BRIP1: variants seen among roughly 807,000 people sequenced by gnomAD.
BRIP1 encodes the protein BRCA1 interacting DNA helicase 1, also known as Fanconi anemia group J protein.
A neutral mutation model predicts 119.7 loss-of-function variants in BRIP1; 88 were observed. The observed-to-expected ratio is 0.74, with a 90% CI of 0.62 to 0.88. The LOEUF (loss-of-function observed/expected upper bound fraction) is 0.88. Ranked by LOEUF, BRIP1 falls within the 40% of genes least tolerant of loss-of-function variation. The pLI, the probability that BRIP1 is intolerant of heterozygous loss-of-function variation, is 0.00. For missense variants in BRIP1, 1,259 were observed against 1,455.4 expected (o/e 0.87, Z 2.20); for synonymous variants, 443 against 496.5 (o/e 0.89, Z 1.43).
intron 13 of BRIP1, among the ~76,000 whole-genome samples, chr17:61,777,699 A>G (rs2077555854): frequency 6.6e-6 from 1 of 151,866 alleles, no homozygotes; most frequent in Non-Finnish European, 1.5e-5. Flanking sequence ...TCAGAGCTTC[A>G]ATTCCCAGGC....
At chr17:61,859,576 TC>T (rs1295544068) in intron 3 of BRIP1, among the ~76,000 whole-genome samples, 8 of 152,164 alleles carry the variant, frequency 5.3e-5, no homozygotes, top group Admixed American at 1.3e-4. Flanking sequence ...TTCCGACTCA[TC>T]AAAAGACTAA....
chr17:61,707,025 TTTTAAA>T (rs1228527238), intron 17 of BRIP1, among the ~76,000 whole-genome samples: 11 of 142,244 alleles, frequency 7.7e-5, no homozygotes, highest in African/African-American at 2.8e-4. Flanking sequence ...TGATATTCCT[TTTTAAA>T]TTTTTTTTTT....
At position 61,805,746 on chromosome 17, in the gene BRIP1, T is replaced by G. The variant is rs908094790; in HGVS notation, c.918+2721A>C. On this transcript the variant is annotated intron_variant, in intron 7 of 19. Coordinates refer to ENST00000259008, the MANE Select transcript of BRIP1 (RefSeq NM_032043.3). The surrounding 1 kb of genome is among the most constrained non-coding windows in gnomAD (Gnocchi z 5.6). ...ATCATCTTTCATACTCTCAGTTTGA[T>G]ACAGACTGAGTTTAATAATAGGACA... Among the ~76,000 whole-genome samples, 2 of 152,208 alleles carry G rather than the reference T, an allele frequency of 1.3e-5. No individual in the cohort carries two copies. Among genetic ancestry groups the G allele is most frequent in the Non-Finnish European group, 1.5e-5 (1 of 68,036 alleles).
At chr17:61,712,811 G>A (rs908348261) in intron 17 of BRIP1, among the ~76,000 whole-genome samples, 1 of 151,674 alleles carries the variant, frequency 6.6e-6, no homozygotes, top group Non-Finnish European at 1.5e-5. Context: ...GGCTGAGGCA[G>A]GAGAATTGCT....
rs768910110 is a variant in BRIP1, at chr17:61,680,480, CT to C, written c.*2815del. Reference sequence around the variant, plus strand: ...AGTTTACCAATTCTAAAGGTAATTTCTTTTTTTTTTTTTTTTTGAGACGGAG... The same window carrying C: ...AGTTTACCAATTCTAAAGGTAATTTCTTTTTTTTTTTTTTTTGAGACGGAG... On this transcript the variant is annotated 3_prime_UTR_variant, in exon 20 of 20. Coordinates refer to ENST00000259008, the MANE Select transcript of BRIP1 (RefSeq NM_032043.3). Among the ~76,000 whole-genome samples, 78 of 124,066 alleles carry C rather than the reference CT, an allele frequency of 6.3e-4. No homozygotes were observed. The highest frequency in any genetic ancestry group is 8.1e-4 in the Non-Finnish European group (50 of 61,618). The allele number at this position is 124,066 out of a possible 152,430, so 81.4% of individuals were successfully genotyped here. A position where few individuals can be genotyped will look rare whatever the true frequency, so the allele number is the denominator to read the frequency against.
chr17:61,680,174 C>T lies in BRIP1; in HGVS notation c.*3122G>A, dbSNP rs2061253679. 1.5e-5 allele frequency among the ~76,000 whole-genome samples: 2 copies of T among 133,764 alleles called. No individual in the cohort carries two copies. The highest frequency in any genetic ancestry group is 6.0e-5 in the African/African-American group (2 of 33,612). 87.8% of individuals were successfully genotyped at this position (133,764 alleles called of 152,430 possible). The stretch of plus-strand genomic sequence containing the variant: ...CCTGGCCAACATGGTGAAACCCTGT[C>T]GATACTTAAAAAAAAAAAAAAAAAA... On this transcript the variant is annotated 3_prime_UTR_variant, in exon 20 of 20. Coordinates refer to ENST00000259008, the MANE Select transcript of BRIP1 (RefSeq NM_032043.3).
At chr17:61,863,127 T>A (rs1244923484) in intron 1 of BRIP1, among the ~76,000 whole-genome samples, 157 bp downstream of exon 1, 1 of 151,128 alleles carries the variant, frequency 6.6e-6, no homozygotes, top group Non-Finnish European at 1.5e-5. Flanking sequence ...TCAAAGGAGG[T>A]AAGGATAGGC....
chr17:61,802,007 A>G lies in BRIP1; in HGVS notation c.919-533T>C, dbSNP rs1003179783. ...TGGAATGTCCTAAGGGGAAAAAAAG[A>G]AAGTAAGAGTATTCACTACAAAATA... On this transcript the variant is annotated intron_variant, in intron 7 of 19. Coordinates refer to ENST00000259008, the MANE Select transcript of BRIP1 (RefSeq NM_032043.3). The surrounding 1 kb of genome is among the most constrained non-coding windows in gnomAD (Gnocchi z 6.0). 6.6e-6 allele frequency among the ~76,000 whole-genome samples: 1 copy of G among 152,230 alleles called. No homozygotes were observed. Among genetic ancestry groups the G allele is most frequent in the African/African-American group, 2.4e-5 (1 of 41,474 alleles).
rs947864811 is a variant in BRIP1 at position 61,695,470 on chromosome 17, G to A, written c.2493-1958C>T. On this transcript the variant is annotated intron_variant, in intron 17 of 19. Coordinates refer to ENST00000259008, the MANE Select transcript of BRIP1 (RefSeq NM_032043.3). This position sits in a 1 kb window ranked among gnomAD's most constrained non-coding sequence, Gnocchi z 4.3. Reference sequence around the variant, plus strand: ...TTCAAGATTGTTTTGACTATTCTGGGTTCCTTGCTTTTCCATAATAATTTT... The same window carrying A: ...TTCAAGATTGTTTTGACTATTCTGGATTCCTTGCTTTTCCATAATAATTTT... 1.3e-4 allele frequency among the ~76,000 whole-genome samples: 20 copies of A among 152,026 alleles called. No individual in the cohort carries two copies. Among genetic ancestry groups the A allele is most frequent in the African/African-American group, 3.6e-4 (15 of 41,410 alleles).
Position 61,789,145 on chromosome 17 carries a change from T to C in BRIP1, c.1473+4452A>G, listed in dbSNP as rs1274274915. ...AGCCAGGTGTGGTAATGCATGCCTG[T>C]AGTCCCAGCTACTGAGCAGGCTATG... On this transcript the variant is annotated intron_variant, in intron 10 of 19. Coordinates refer to ENST00000259008, the MANE Select transcript of BRIP1 (RefSeq NM_032043.3). This position sits in a 1 kb window ranked among gnomAD's most constrained non-coding sequence, Gnocchi z 4.8. Among the ~76,000 whole-genome samples the C allele has an allele frequency of 1.3e-5, 2 of 151,922 alleles. No individual in the cohort carries two copies. Among genetic ancestry groups the C allele is most frequent in the African/African-American group, 4.8e-5 (2 of 41,356 alleles).
chr17:61,776,407 A>C lies in BRIP1; in HGVS notation c.2091T>G (p.Ser697=). ...ACAATAAATATTCCCTTACCTTGTA[A>C]GATGGCAAGAAACACAAAATTCCTT... The part of the protein sequence containing the change: ...VSQGILCFLP[S]YKLLEKLKER... The change falls in exon 14 of 20, where the codon TCT becomes TCG. Residue 697 remains serine, a synonymous_variant. Transcript: ENST00000259008. The surrounding 1 kb of genome is among the most constrained non-coding windows in gnomAD (Gnocchi z 5.0). The C allele has an allele frequency of 6.2e-7, 1 of 1,614,172 alleles. No homozygotes were observed. The highest frequency in any genetic ancestry group is 8.5e-7 in the Non-Finnish European group (1 of 1,179,998).
In BRIP1 at chr17:61,822,387, G is replaced by A. The variant is rs1320188979; in HGVS notation, c.628-13630C>T. ...AAAGGAGAAGTAACTAGTTTTTCAG[G>A]GCTTGCAGAATCATTTTACTCAATT... On this transcript the variant is annotated intron_variant, in intron 6 of 19. Coordinates refer to ENST00000259008, the MANE Select transcript of BRIP1 (RefSeq NM_032043.3). This position sits in a 1 kb window ranked among gnomAD's most constrained non-coding sequence, Gnocchi z 4.4. Among the ~76,000 whole-genome samples the A allele has an allele frequency of 6.6e-6, 1 of 152,018 alleles. No individual in the cohort carries two copies. The highest frequency in any genetic ancestry group is 1.5e-5 in the Non-Finnish European group (1 of 68,016).
Position 61,755,468 on chromosome 17 carries a change from A to C in BRIP1, c.2098-10877T>G, listed in dbSNP as rs1165087346. On this transcript the variant is annotated intron_variant, in intron 14 of 19. Coordinates refer to ENST00000259008, the MANE Select transcript of BRIP1 (RefSeq NM_032043.3). The surrounding 1 kb of genome is among the most constrained non-coding windows in gnomAD (Gnocchi z 4.5). ...CAGTTACTCAGGAGGCTGAGGTGGG[A>C]GGACTGCTTGAGCCCTGGAGGTTGA... 3.3e-5 allele frequency among the ~76,000 whole-genome samples: 5 copies of C among 152,180 alleles called. No homozygotes were observed. The highest frequency in any genetic ancestry group is 9.7e-5 in the African/African-American group (4 of 41,442).
Position 61,751,785 on chromosome 17 carries a change from T to A in BRIP1, c.2098-7194A>T, listed in dbSNP as rs2077134408. Among the ~76,000 whole-genome samples, 1 of 152,158 alleles carries A rather than the reference T, an allele frequency of 6.6e-6. No individual in the cohort carries two copies. Among genetic ancestry groups the A allele is most frequent in the African/African-American group, 2.4e-5 (1 of 41,434 alleles). On this transcript the variant is annotated intron_variant, in intron 14 of 19. Coordinates refer to ENST00000259008, the MANE Select transcript of BRIP1 (RefSeq NM_032043.3). This position sits in a 1 kb window ranked among gnomAD's most constrained non-coding sequence, Gnocchi z 6.7. The stretch of plus-strand genomic sequence containing the variant: ...AGGAACAAATGGAGGATTTTTTTTT[T>A]TGAGACAGAGTCTCGCTCTGTCACC...
Position 61,843,345 on chromosome 17 carries a change from A to G in BRIP1, c.627+3756T>C, listed in dbSNP as rs2078684404. 6.6e-6 allele frequency among the ~76,000 whole-genome samples: 1 copy of G among 152,150 alleles called. No homozygotes were observed. The highest frequency in any genetic ancestry group is 6.5e-5 in the Admixed American group (1 of 15,268). On this transcript the variant is annotated intron_variant, in intron 6 of 19. Coordinates refer to ENST00000259008, the MANE Select transcript of BRIP1 (RefSeq NM_032043.3). This position sits in a 1 kb window ranked among gnomAD's most constrained non-coding sequence, Gnocchi z 5.7. ...TATATTCTAGGCTGGATATTTCGAT[A>G]TTGGCTTTAAAATTTTCAGGTGTTC...
intron 14 of BRIP1, among the ~76,000 whole-genome samples, chr17:61,763,339 GTA>G (rs1185622005): frequency 6.6e-6 from 1 of 152,028 alleles, no homozygotes; most frequent in Non-Finnish European, 1.5e-5. Flanking sequence ...GGGTAAAGGG[GTA>G]TATGAGAGCT....
rs1288684572 is a variant in BRIP1, at chr17:61,686,715, A to G, written c.2576-550T>C. 1.3e-5 allele frequency among the ~76,000 whole-genome samples: 2 copies of G among 152,006 alleles called. No individual in the cohort carries two copies. Among genetic ancestry groups the G allele is most frequent in the Non-Finnish European group, 2.9e-5 (2 of 67,988 alleles). ...TATGGGTAAATCACATCCCTTCTGA[A>G]TTTTTATGATATAATTATTTTTAAT... On this transcript the variant is annotated intron_variant, in intron 18 of 19. Coordinates refer to ENST00000259008, the MANE Select transcript of BRIP1 (RefSeq NM_032043.3). The surrounding 1 kb of genome is among the most constrained non-coding windows in gnomAD (Gnocchi z 5.4).
At position 61,815,088 on chromosome 17, in the gene BRIP1, A is replaced by G. The variant is rs1470244791; in HGVS notation, c.628-6331T>C. Among the ~76,000 whole-genome samples, 1 of 147,576 alleles carries G rather than the reference A, an allele frequency of 6.8e-6. No homozygotes were observed. Among genetic ancestry groups the G allele is most frequent in the Non-Finnish European group, 1.5e-5 (1 of 67,222 alleles). On this transcript the variant is annotated intron_variant, in intron 6 of 19. Transcript: ENST00000259008. The surrounding 1 kb of genome is among the most constrained non-coding windows in gnomAD (Gnocchi z 4.1). ...AAAGCTAACAATTGTCATGAAAAAC[A>G]TACCTGAAAAATGCTAGAAGTGCTG...
rs2061681672 is a variant in BRIP1 at position 61,705,722 on chromosome 17, C to T, written c.2492+10229G>A. On this transcript the variant is annotated intron_variant, in intron 17 of 19. Transcript: ENST00000259008. The surrounding 1 kb of genome is among the most constrained non-coding windows in gnomAD (Gnocchi z 5.0). Reference sequence around the variant, plus strand: ...ATCCATCTGAGCACTGCTTTAGCTGCAGTCCTTACATTTTGATATGCTGTA... The same window carrying T: ...ATCCATCTGAGCACTGCTTTAGCTGTAGTCCTTACATTTTGATATGCTGTA... 6.6e-6 allele frequency among the ~76,000 whole-genome samples: 1 copy of T among 152,138 alleles called. No individual in the cohort carries two copies. Among genetic ancestry groups the T allele is most frequent in the South Asian group, 2.1e-4 (1 of 4,830 alleles).
Sources: gnomAD v4.1 joint callset for allele counts (sites outside exome capture counted in the v4.1 genomes callset) on GRCh38, gnomAD v4.1.1 for gene constraint, Gnocchi (gnomAD v3.1) non-coding constraint, MANE v1.5 for transcripts, NCBI Gene and HGNC (gene_info 2026-07-23, HGNC 2026-07-21) for gene names.